Variants in TBC1D16 observed in about 807,000 individuals in gnomAD.
The protein encoded by TBC1D16 is CTD-2529O21.1.
A neutral mutation model predicts 74.7 loss-of-function variants in TBC1D16; 58 were observed. That is an observed-to-expected ratio of 0.78 (90% CI 0.63 to 0.97). The LOEUF is 0.97. Ranked by LOEUF, TBC1D16 falls within the 50% of genes least tolerant of loss-of-function variation. The pLI is 0.00. For missense variants in TBC1D16, 1,014 were observed against 1,079.5 expected (o/e 0.94, Z 0.85); for synonymous variants, 493 against 474.7 (o/e 1.04, Z -0.50).
At chr17:80,021,912 T>C (rs1378651400) in intron 1 of TBC1D16, among the ~76,000 whole-genome samples, 2 of 11,638 alleles carry the variant, frequency 1.7e-4, no homozygotes, top group Non-Finnish European at 5.2e-4. Context: ...ACACACACCA[T>C]GACACACACA....
chr17:79,940,800 C>T lies in TBC1D16; in HGVS notation c.*59G>A, dbSNP rs182976679. On this transcript the variant is annotated 3_prime_UTR_variant, in exon 12 of 12. Coordinates refer to ENST00000310924, the MANE Select transcript of TBC1D16 (RefSeq NM_019020.4). The surrounding 1 kb of genome is among the most constrained non-coding windows in gnomAD (Gnocchi z 5.4). ...CCTTCACGCCCAGCCCCACCCCCTC[C>T]CGTGCCCAGGGCCTCTGAGGAGGTC... The T allele has an allele frequency of 5.0e-4, 722 of 1,455,074 alleles. 5 individuals are homozygous for T. In the African/African-American group the frequency reaches 9.4e-3, roughly 19 times the overall value. 90.1% of individuals were successfully genotyped at this position (1,455,074 alleles called of 1,614,324 possible).
chr17:80,001,763 C>T lies in TBC1D16; in HGVS notation c.779+8397G>A, dbSNP rs984036668. Among the ~76,000 whole-genome samples, 7 of 151,918 alleles carry T rather than the reference C, an allele frequency of 4.6e-5. No homozygotes were observed. Among genetic ancestry groups the T allele is most frequent in the Non-Finnish European group, 8.8e-5 (6 of 67,948 alleles). The stretch of plus-strand genomic sequence containing the variant: ...TGCTGCTGGAGTGGCCCCTAAGACA[C>T]GCACGGCCCACCCTCCCCACTCACC... On this transcript the variant is annotated intron_variant, in intron 3 of 11. Transcript: ENST00000310924. The surrounding 1 kb of genome is among the most constrained non-coding windows in gnomAD (Gnocchi z 5.8).
chr17:79,997,961 C>T lies in TBC1D16; in HGVS notation c.779+12199G>A, dbSNP rs183313444. Among the ~76,000 whole-genome samples, 72 of 152,172 alleles carry T rather than the reference C, an allele frequency of 4.7e-4. 1 individual carries two copies. In the Middle Eastern group the frequency reaches 0.01, roughly 22 times the overall value. ...CCAACGTGGTGAAACCCCGTCTCTA[C>T]TGAAAATACAAAAATTAGCTGGGTG... On this transcript the variant is annotated intron_variant, in intron 3 of 11. Transcript: ENST00000310924.
intron 3 of TBC1D16, among the ~76,000 whole-genome samples, chr17:79,976,511 G>A (rs538816428): frequency 2.6e-5 from 4 of 152,328 alleles, no homozygotes; most frequent in South Asian, 2.1e-4. Context: ...TCGGTCACAT[G>A]TGCGGTGTGC....
In TBC1D16 at chr17:79,941,332, C is replaced by T. The variant is rs1174866465; in HGVS notation, c.2056-225G>A. On this transcript the variant is annotated intron_variant, in intron 11 of 11. Transcript: ENST00000310924. The surrounding 1 kb of genome is among the most constrained non-coding windows in gnomAD (Gnocchi z 4.3). ...TGATGGGACCCACAAGGCACTCGGG[C>T]TGTGCTCACAGGTGGCTCGAGGTGA... Among the ~76,000 whole-genome samples the T allele has an allele frequency of 2.0e-5, 3 of 152,222 alleles. No individual in the cohort carries two copies. Among genetic ancestry groups the T allele is most frequent in the African/African-American group, 7.2e-5 (3 of 41,454 alleles).
intron 1 of TBC1D16, chr17:80,023,839 C>T (rs779952850): frequency 1.3e-5 from 2 of 150,352 alleles, no homozygotes; most frequent in Non-Finnish European, 2.9e-5. Flanking sequence ...AATTTCCATT[C>T]AGGGTCCAAA....
At chr17:80,020,224 C>T (rs943907784) in intron 1 of TBC1D16, among the ~76,000 whole-genome samples, 5 of 149,618 alleles carry the variant, frequency 3.3e-5, no homozygotes, top group Admixed American at 3.3e-4. Flanking sequence ...TTGCTCAAGC[C>T]ACCTGGACCC....
intron 1 of TBC1D16, 22 bp from the exon 2 acceptor site, chr17:80,013,631 G>T: frequency 7.2e-7 from 1 of 1,381,808 alleles, no homozygotes; most frequent in Non-Finnish European, 9.6e-7. Flanking sequence ...AGAGAGAGGA[G>T]ATGGTCAAGG....
chr17:80,019,589 AT>A, intron 1 of TBC1D16, among the ~76,000 whole-genome samples: 1 of 149,992 alleles, frequency 6.7e-6, no homozygotes, highest in East Asian at 1.9e-4. Flanking sequence ...GCAAGAGGCT[AT>A]TTCATCGAAA....
rs546744534 is a variant in TBC1D16, at chr17:80,033,892, G to A, written c.-63+1903C>T. 6.6e-5 allele frequency among the ~76,000 whole-genome samples: 10 copies of A among 152,330 alleles called. No homozygotes were observed. In the South Asian group the frequency reaches 1.2e-3, roughly 19 times the overall value. ...TCCTTGCACTGTTATGAACCACTTG[G>A]AAGAATGTTTGTATATGAATGGTGG... On this transcript the variant is annotated intron_variant, in intron 1 of 11. Transcript: ENST00000310924.
chr17:79,982,196 G>C (rs2034615505), intron 3 of TBC1D16, among the ~76,000 whole-genome samples: 1 of 150,654 alleles, frequency 6.6e-6, no homozygotes, highest in Non-Finnish European at 1.5e-5. Flanking sequence ...ACCCAGGCTG[G>C]AGTGCAGTGA....
At position 79,980,037 on chromosome 17, in the gene TBC1D16, T is replaced by C. The variant is rs529693510; in HGVS notation, c.780-27219A>G. Reference sequence around the variant, plus strand: ...CCCAGACCCTCTGGGCAGCCCATCCTTGCACCTGGAGGAGCAGCTCACCGT... The same window carrying C: ...CCCAGACCCTCTGGGCAGCCCATCCCTGCACCTGGAGGAGCAGCTCACCGT... On this transcript the variant is annotated intron_variant, in intron 3 of 11. Coordinates refer to ENST00000310924, the MANE Select transcript of TBC1D16 (RefSeq NM_019020.4). The surrounding 1 kb of genome is among the most constrained non-coding windows in gnomAD (Gnocchi z 7.0). 4.6e-5 allele frequency among the ~76,000 whole-genome samples: 7 copies of C among 152,146 alleles called. No individual in the cohort carries two copies. Among genetic ancestry groups the C allele is most frequent in the African/African-American group, 1.7e-4 (7 of 41,532 alleles).
chr17:79,978,469 G>A (rs538610202), intron 3 of TBC1D16, among the ~76,000 whole-genome samples: 115 of 152,272 alleles, frequency 7.6e-4, no homozygotes, highest in Non-Finnish European at 8.5e-4. Context: ...GGTGGGGGCC[G>A]TGGCGGGCGG....
chr17:79,984,110 T>C (rs1431238144), intron 3 of TBC1D16, among the ~76,000 whole-genome samples: 1 of 152,000 alleles, frequency 6.6e-6, no homozygotes, highest in African/African-American at 2.4e-5. Flanking sequence ...GACCTTGAAC[T>C]CCCAGACTCA....
intron 3 of TBC1D16, among the ~76,000 whole-genome samples, chr17:79,997,347 G>A (rs1255027895): frequency 1.3e-5 from 2 of 151,834 alleles, no homozygotes; most frequent in East Asian, 3.9e-4. Flanking sequence ...AGGGCCTCCC[G>A]GTACTTTTTT....
intron 3 of TBC1D16, among the ~76,000 whole-genome samples, chr17:80,005,294 A>G (rs1425737306): frequency 2.0e-5 from 3 of 152,140 alleles, no homozygotes; most frequent in Non-Finnish European, 4.4e-5. Context: ...TATGTTGCCC[A>G]GGCTTGTTTC....
intron 1 of TBC1D16, among the ~76,000 whole-genome samples, chr17:80,020,761 C>G (rs2036256203): frequency 6.7e-6 from 1 of 149,966 alleles, no homozygotes; most frequent in South Asian, 2.1e-4. Flanking sequence ...TACTGTTTCC[C>G]CAGGAGGATA....
At position 80,010,598 on chromosome 17, in the gene TBC1D16, C is replaced by A. The variant is rs150266235; in HGVS notation, c.341G>T (p.Arg114Leu). 1.4e-5 allele frequency: 23 copies of A among 1,588,490 alleles called. No homozygotes were observed. Among genetic ancestry groups the A allele is most frequent in the Non-Finnish European group, 1.9e-5 (22 of 1,169,844 alleles). ...PVRKAPRPRGRRTRSSGASHQ... is the reference protein window; with the variant it reads ...PVRKAPRPRGLRTRSSGASHQ... ...GGAGGCTCCTGAGCTCCGGGTGCGC[C>A]GGCCCCGAGGGCGGGGTGCCTTGCG... is the stretch of plus-strand genomic sequence containing the variant. Residue 114 changes from arginine (R) to leucine (L), a missense_variant, in exon 3 of 12, where the codon CGG (arginine) becomes CTG (leucine). By Grantham distance (102) the Arg-to-Leu change is moderately radical. Coordinates refer to ENST00000310924, the MANE Select transcript of TBC1D16 (RefSeq NM_019020.4). This position sits in a 1 kb window ranked among gnomAD's most constrained non-coding sequence, Gnocchi z 8.8.
intron 3 of TBC1D16, among the ~76,000 whole-genome samples, chr17:79,958,510 G>A (rs1162041302): frequency 1.3e-5 from 2 of 152,154 alleles, no homozygotes; most frequent in Non-Finnish European, 2.9e-5. Flanking sequence ...GAGCCACCGC[G>A]CCCAGCCCTG....
Sources: gnomAD v4.1 joint callset for allele counts (sites outside exome capture counted in the v4.1 genomes callset) on GRCh38, gnomAD v4.1.1 for gene constraint, Gnocchi (gnomAD v3.1) non-coding constraint, MANE v1.5 for transcripts, NCBI Gene and HGNC (gene_info 2026-07-23, HGNC 2026-07-21) for gene names.